LOXL3: variants seen among roughly 807,000 people sequenced by gnomAD.
LOXL3 encodes the protein lysyl oxidase like 3, also known as lysyl oxidase homolog 3.
In LOXL3, 60 loss-of-function variants were observed where a neutral mutation model predicts 91.8. The ratio of observed to expected loss-of-function variants is 0.65; its 90% confidence interval spans 0.53 to 0.81. LOXL3 has a LOEUF of 0.81. Ranked by LOEUF, LOXL3 falls within the 30% of genes least tolerant of loss-of-function variation. The pLI is 0.00. For missense variants in LOXL3, 874 were observed against 1,000.4 expected, an observed-to-expected ratio of 0.87 and a Z score of 1.70; for synonymous variants, 355 against 387.6, an observed-to-expected ratio of 0.92 and a Z score of 0.99.
intron 2 of LOXL3, among the ~76,000 whole-genome samples, chr2:74,550,620 T>C (rs1676946127): frequency 1.3e-5 from 2 of 152,182 alleles, no homozygotes; most frequent in African/African-American, 4.8e-5. Context: ...TTCTGATCAG[T>C]CTCTACCCAT....
At chr2:74,543,601 G>A (rs1331794925) in intron 4 of LOXL3, among the ~76,000 whole-genome samples, 3 of 151,914 alleles carry the variant, frequency 2.0e-5, no homozygotes, top group South Asian at 2.1e-4. Context: ...AGTCAAAGGC[G>A]GGGCGTGGTG....
rs1490496258 is a variant in LOXL3 at position 74,550,452 on chromosome 2, G to A, written c.314-104C>T. Reference sequence around the variant, plus strand: ...GTGCTGAGGCCTCCCACTTGGCCATGATGATCCCATCTTTCTGGTATGATA... The same window carrying A: ...GTGCTGAGGCCTCCCACTTGGCCATAATGATCCCATCTTTCTGGTATGATA... On this transcript the variant is annotated intron_variant, in intron 2 of 13. Transcript: ENST00000264094. 4.1e-6 allele frequency: 5 copies of A among 1,233,764 alleles called. No individual in the cohort carries two copies. In the East Asian group the frequency reaches 7.1e-5, roughly 18 times the overall value. The allele number at this position is 1,233,764 out of a possible 1,614,324, so 76.4% of individuals were successfully genotyped here.
intron 4 of LOXL3, among the ~76,000 whole-genome samples, chr2:74,544,541 A>C (rs190358473): frequency 6.6e-6 from 1 of 152,306 alleles, no homozygotes; most frequent in Admixed American, 6.5e-5. Context: ...TGACTTCTTA[A>C]ATAGCACTGA....
At chr2:74,554,853 G>C (rs1054573741), upstream of LOXL3, 1 of 1,611,998 alleles carries the variant, frequency 6.2e-7, no homozygotes, top group Non-Finnish European at 8.5e-7. This position sits in a 1 kb window ranked among gnomAD's most constrained non-coding sequence, Gnocchi z 4.9. Flanking sequence ...ATCCGGGCTA[G>C]TAGTGGGTGA....
chr2:74,540,275 C>T lies in LOXL3; in HGVS notation c.693-3347G>A, dbSNP rs79116964. Among the ~76,000 whole-genome samples, 1,053 of 152,296 alleles carry T rather than the reference C, an allele frequency of 6.9e-3. 16 individuals carry two copies. The highest frequency in any genetic ancestry group is 0.024 in the African/African-American group (1,008 of 41,548). On this transcript the variant is annotated intron_variant, in intron 4 of 13. Transcript: ENST00000264094. The stretch of plus-strand genomic sequence containing the variant: ...CTCAGAAATTAGCTAGGGCAGATGG[C>T]AAGTAAGGACTCCTGAGTCCAGATG...
chr2:74,543,327 C>T (rs1206435298), intron 4 of LOXL3, among the ~76,000 whole-genome samples: 2 of 152,048 alleles, frequency 1.3e-5, no homozygotes, highest in Non-Finnish European at 2.9e-5. Flanking sequence ...TAATTCACAC[C>T]TAGTGTATTC....
rs376233864 is a variant in LOXL3 at position 74,535,635 on chromosome 2, C to G, written c.1369G>C (p.Val457Leu). ...GDDWGTLEAM[V>L]ACRQLGLGYA... ...CCCAGACCCAGTTGCCTACAGGCCA[C>G]CATGGCCTCCAGGGTCCCCCAGTCA... The change falls in exon 8 of 14, where the codon GTG becomes CTG. Residue 457 changes from valine (V) to leucine (L), a missense_variant. By Grantham distance (32) the Val-to-Leu change is conservative. Coordinates refer to ENST00000264094, the MANE Select transcript of LOXL3 (RefSeq NM_032603.5). The surrounding 1 kb of genome is among the most constrained non-coding windows in gnomAD (Gnocchi z 4.2). The G allele has an allele frequency of 2.5e-6, 4 of 1,613,982 alleles. No individual in the cohort carries two copies. In the African/African-American group the frequency reaches 5.3e-5, roughly 22 times the overall value.
chr2:74,532,658 C>G lies in LOXL3; in HGVS notation c.*948G>C, dbSNP rs150357486. ...TACAGCTTCGAGAACCAAGCTTTCC[C>G]GATGTTCAGCATGGTGTACTCATCC... On this transcript the variant is annotated 3_prime_UTR_variant, in exon 14 of 14. Transcript: ENST00000264094. 1 of 1,613,676 alleles carries G rather than the reference C, an allele frequency of 6.2e-7. No homozygotes were observed. The highest frequency in any genetic ancestry group is 8.5e-7 in the Non-Finnish European group (1 of 1,179,972).
chr2:74,544,204 A>C (rs1331200496), intron 4 of LOXL3, among the ~76,000 whole-genome samples: 1 of 152,026 alleles, frequency 6.6e-6, no homozygotes, highest in Admixed American at 6.6e-5. Flanking sequence ...AGGAGGCTGA[A>C]GCAGAAGAAT....
Position 74,552,631 on chromosome 2 carries a change from G to T in LOXL3, c.4C>A (p.Arg2=), listed in dbSNP as rs370437226. M[R]PVSVWQWSPW... is the part of the protein sequence containing the mutation. ...CTCCACTGCCAGACACTGACAGGTC[G>T]CATGGCAGGGAAGGCCTGGGTGCCC... The change falls in exon 2 of 14, where the codon CGA becomes AGA. Residue 2 remains arginine, a synonymous_variant. Transcript: ENST00000264094. 5.7e-5 allele frequency: 88 copies of T among 1,549,402 alleles called. No homozygotes were observed. Among genetic ancestry groups the T allele is most frequent in the Middle Eastern group, 1.7e-4 (1 of 5,928 alleles).
Position 74,534,434 on chromosome 2 carries a change from G to T in LOXL3, c.1824-3C>A. The T allele has an allele frequency of 6.2e-7, 1 of 1,614,164 alleles. No homozygotes were observed. The highest frequency in any genetic ancestry group is 8.5e-7 in the Non-Finnish European group (1 of 1,179,982). Reference sequence around the variant, plus strand: ...AGATGTCCATGCTGTGGTAATGCCTGTGGGGAGAAGGGAACTTCTGTTTCC... The same window carrying T: ...AGATGTCCATGCTGTGGTAATGCCTTTGGGGAGAAGGGAACTTCTGTTTCC... On this transcript the variant is annotated splice_polypyrimidine_tract_variant and splice_region_variant and intron_variant, in intron 10 of 13. Transcript: ENST00000264094.
At chr2:74,555,226 C>T, upstream of LOXL3, 1 of 1,613,750 alleles carries the variant, frequency 6.2e-7, no homozygotes. The surrounding 1 kb of genome is among the most constrained non-coding windows in gnomAD (Gnocchi z 6.1). Flanking sequence ...GTTCTTTGAC[C>T]ATAAGGGGTC....
chr2:74,536,820 G>A lies in LOXL3; in HGVS notation c.801C>T (p.Asp267=). 1.9e-6 allele frequency: 3 copies of A among 1,614,234 alleles called. No homozygotes were observed. Among genetic ancestry groups the A allele is most frequent in the Non-Finnish European group, 2.5e-6 (3 of 1,180,038 alleles). ...LCSLEFYRAN[D]TARCPGGGPA... is the part of the protein sequence containing the mutation. ...GGCCCCCCCCAGGGCACCTGGCGGT[G>A]TCATTGGCACGATAGAACTCCAGGG... The change falls in exon 5 of 14, where the codon GAC becomes GAT. Residue 267 remains aspartate (D), a synonymous_variant. Coordinates refer to ENST00000264094, the MANE Select transcript of LOXL3 (RefSeq NM_032603.5). The surrounding 1 kb of genome is among the most constrained non-coding windows in gnomAD (Gnocchi z 4.5).
chr2:74,552,279 C>T lies in LOXL3; in HGVS notation c.313+43G>A, dbSNP rs1331598088. Reference sequence around the variant, plus strand: ...GTGTTCCCTTTCCCTGCACTTTGGCCACACATAGGAAATATCTAGGATATG... The same window carrying T: ...GTGTTCCCTTTCCCTGCACTTTGGCTACACATAGGAAATATCTAGGATATG... On this transcript the variant is annotated intron_variant, in intron 2 of 13. Transcript: ENST00000264094. The T allele has an allele frequency of 1.8e-5, 28 of 1,553,030 alleles. 1 individual carries two copies. The South Asian group carries it at 3.3e-4, about 18-fold the overall frequency.
intron 4 of LOXL3, among the ~76,000 whole-genome samples, chr2:74,537,312 G>T (rs562710056): frequency 1.6e-4 from 24 of 152,350 alleles, no homozygotes; most frequent in African/African-American, 5.8e-4. Flanking sequence ...ATGGCCAGGA[G>T]GGAGTGGCTG....
chr2:74,552,595 G>GC lies in LOXL3; in HGVS notation c.39dup (p.Leu14AlafsTer21), dbSNP rs35904632. The stretch of plus-strand genomic sequence containing the variant: ...GAACTGCACAGCAGGCACAGCAGCA[G>GC]CCCCCAGGGGCTCCACTGCCAGACA... On this transcript the variant is annotated frameshift_variant, in exon 2 of 14. Transcript: ENST00000264094. LOFTEE classifies it high-confidence loss of function. 6.9e-6 allele frequency: 11 copies of GC among 1,589,528 alleles called. No homozygotes were observed. In the East Asian group the frequency reaches 2.3e-4, roughly 33 times the overall value.
intron 1 of LOXL3, among the ~76,000 whole-genome samples, chr2:74,553,285 C>A (rs539437634): frequency 6.6e-6 from 1 of 152,156 alleles, no homozygotes; most frequent in Non-Finnish European, 1.5e-5. Flanking sequence ...CCTAACCCAG[C>A]AGATTCCCAG....
chr2:74,536,185 TTAA>T lies in LOXL3; in HGVS notation c.1094-38_1094-36del. On this transcript the variant is annotated intron_variant, in intron 6 of 13. Coordinates refer to ENST00000264094, the MANE Select transcript of LOXL3 (RefSeq NM_032603.5). The surrounding 1 kb of genome is among the most constrained non-coding windows in gnomAD (Gnocchi z 4.5). ...GATGGCAAAGATCAGGAAGTTGTAA[TTAA>T]GCATATATTGTCTGCCCAGGGGACA... is the stretch of plus-strand genomic sequence containing the variant. The T allele has an allele frequency of 2.5e-6, 4 of 1,612,462 alleles. No homozygotes were observed. The highest frequency in any genetic ancestry group is 3.4e-6 in the Non-Finnish European group (4 of 1,179,998).
At chr2:74,552,677 G>C (rs1274086056) in intron 1 of LOXL3, 31 bp from the exon 2 acceptor site, 2 of 1,475,038 alleles carry the variant, frequency 1.4e-6, no homozygotes, top group Non-Finnish European at 1.8e-6. Context: ...GTGTGCGTGA[G>C]AGAAACAGAT....
Sources: allele counts gnomAD v4.1 joint callset (sites outside exome capture counted in the v4.1 genomes callset), GRCh38; gene constraint gnomAD v4.1.1; non-coding constraint Gnocchi (gnomAD v3.1); transcripts MANE v1.5; gene names NCBI Gene and HGNC (gene_info 2026-07-23, HGNC 2026-07-21).